Variants in C4orf36 observed in about 807,000 individuals in gnomAD.
C4orf36 encodes uncharacterized protein C4orf36.
C4orf36 carries 11 observed loss-of-function variants against 12.2 expected under a neutral mutation model. The ratio of observed to expected loss-of-function variants is 0.90; its 90% CI spans 0.57 to 1.49. C4orf36 has a LOEUF of 1.49. Among genes scored for constraint, C4orf36 ranks in the 40% most tolerant of loss-of-function variants. The probability of loss-of-function intolerance (pLI) is 0.00; values close to 1 mark genes in which losing one functional copy is unlikely to be tolerated. For synonymous variants in C4orf36, 54 were observed against 51.3 expected (o/e 1.05, Z -0.22); for missense variants, 137 against 133.9 (o/e 1.02, Z -0.11).
chr4:86,907,984 G>T, the C4orf36 span, among the ~76,000 whole-genome samples: 5 of 150,252 alleles, frequency 3.3e-5, no homozygotes, highest in Non-Finnish European at 7.4e-5. Context: ...GAGAAAAAAA[G>T]AAATGGTGTC....
At chr4:86,935,659 C>T in the C4orf36 span, 12 of 152,426 alleles carry the variant, frequency 7.9e-5, no homozygotes, top group Admixed American at 4.6e-4. Context: ...AAGTGGGGTT[C>T]TTCTCTCCTG....
At chr4:86,900,291 C>T in the C4orf36 span, among the ~76,000 whole-genome samples, 1 of 152,086 alleles carries the variant, frequency 6.6e-6, no homozygotes, top group East Asian at 1.9e-4. Flanking sequence ...CCTCAGCCTC[C>T]CAAATTGCTG....
chr4:86,876,606 G>C lies in C4orf36; in HGVS notation c.*3-163C>G. On this transcript the variant is annotated intron_variant, in intron 4 of 4. Transcript: ENST00000295898. ...AAATCTTTACATACACAGAAGAACA[G>C]ACAGTTCTTCAATGAACCAGAAGAA... 3 of 1,613,938 alleles carry C rather than the reference G, an allele frequency of 1.9e-6. No individual in the cohort carries two copies. In the South Asian group the frequency reaches 3.3e-5, roughly 18 times the overall value.
At chr4:86,909,998 A>T in the C4orf36 span, among the ~76,000 whole-genome samples, 3 of 151,614 alleles carry the variant, frequency 2.0e-5, no homozygotes, top group Non-Finnish European at 4.4e-5. Context: ...ATACTGGCTT[A>T]TCTCATTGGA....
the C4orf36 span, among the ~76,000 whole-genome samples, chr4:86,917,927 T>C: frequency 1.3e-4 from 20 of 152,220 alleles, no homozygotes; most frequent in Non-Finnish European, 2.9e-4. Context: ...TCAGTAGGTA[T>C]AGGAATTTTT....
chr4:86,933,669 C>CA, the C4orf36 span: 1 of 152,244 alleles, frequency 6.6e-6, no homozygotes, highest in East Asian at 1.9e-4. Flanking sequence ...CATTATATAG[C>CA]AAAAACGTTA....
At chr4:86,926,777 T>C in the C4orf36 span, among the ~76,000 whole-genome samples, 1 of 152,222 alleles carries the variant, frequency 6.6e-6, no homozygotes, top group African/African-American at 2.4e-5. Context: ...AGGGTATGTT[T>C]ATGTTATTGT....
At chr4:86,899,042 G>A in the C4orf36 span, among the ~76,000 whole-genome samples, 10 of 152,112 alleles carry the variant, frequency 6.6e-5, no homozygotes, top group Non-Finnish European at 1.5e-4. Context: ...AGTGAGCCAC[G>A]ATTGTGCCAC....
chr4:86,908,653 C>G, the C4orf36 span, among the ~76,000 whole-genome samples: 2 of 151,044 alleles, frequency 1.3e-5, no homozygotes, highest in South Asian at 4.2e-4. Flanking sequence ...TACTCTCTCT[C>G]TCTCCCTCCC....
At chr4:86,930,176 C>T in the C4orf36 span, among the ~76,000 whole-genome samples, 3 of 152,356 alleles carry the variant, frequency 2.0e-5, 1 homozygote, top group Admixed American at 2.0e-4. Context: ...TTCCTTCCCA[C>T]TTCTCAACTA....
the C4orf36 span, chr4:86,933,315 G>C: frequency 6.6e-6 from 1 of 152,150 alleles, no homozygotes; most frequent in East Asian, 1.9e-4. Flanking sequence ...CATGAAAATA[G>C]GAGCTCTGTC....
At chr4:86,933,319 CTCTG>C in the C4orf36 span, 1 of 152,182 alleles carries the variant, frequency 6.6e-6, no homozygotes, top group African/African-American at 2.4e-5. Flanking sequence ...AAAATAGGAG[CTCTG>C]TCTTTGTCAT....
the C4orf36 span, chr4:86,935,521 G>C: frequency 0.93 from 141,423 of 152,384 alleles, 66,324 homozygotes; most frequent in Non-Finnish European, 1. Context: ...CCTCCCTCAC[G>C]CGCAGCCCCC....
chr4:86,904,605 AGTT>A, the C4orf36 span, among the ~76,000 whole-genome samples: 2 of 124,978 alleles, frequency 1.6e-5, no homozygotes, highest in African/African-American at 5.8e-5. Context: ...AAAAAAAAAA[AGTT>A]GTAAGCTGGC....
upstream of C4orf36, among the ~76,000 whole-genome samples, chr4:86,896,323 C>T (rs1747587229): frequency 6.6e-6 from 1 of 152,166 alleles, no homozygotes; most frequent in African/African-American, 2.4e-5. Flanking sequence ...TATAATTTCT[C>T]ATGACATACA....
Position 86,891,450 on chromosome 4 carries a change from A to T in C4orf36, c.65+6T>A. ...CCCTGATTTAAAAAAAAAAAATAGT[A>T]CTTACACATTATAACAACTGCCCCG... On this transcript the variant is annotated splice_donor_region_variant and intron_variant, in intron 2 of 4. Coordinates refer to ENST00000295898, the MANE Select transcript of C4orf36 (RefSeq NM_144645.4). The T allele has an allele frequency of 6.2e-7, 1 of 1,612,336 alleles. No homozygotes were observed. Among genetic ancestry groups the T allele is most frequent in the South Asian group, 1.1e-5 (1 of 90,792 alleles).
chr4:86,932,690 G>A, the C4orf36 span, among the ~76,000 whole-genome samples: 1 of 137,530 alleles, frequency 7.3e-6, no homozygotes, highest in Non-Finnish European at 1.5e-5. Flanking sequence ...AAAATTGTCA[G>A]GTAACATCCC....
At chr4:86,881,816 A>T (rs927583358) in intron 4 of C4orf36, among the ~76,000 whole-genome samples, 1 of 152,020 alleles carries the variant, frequency 6.6e-6, no homozygotes, top group Non-Finnish European at 1.5e-5. Context: ...AGCTGGGATT[A>T]CAGGCGCATG....
the C4orf36 span, chr4:86,933,628 T>C: frequency 6.6e-6 from 1 of 152,240 alleles, no homozygotes; most frequent in Non-Finnish European, 1.5e-5. Flanking sequence ...AATATTACCA[T>C]GCTAATATAT....
Sources: gnomAD v4.1 joint callset for allele counts (sites outside exome capture counted in the v4.1 genomes callset) on GRCh38, gnomAD v4.1.1 for gene constraint, MANE v1.5 for transcripts, NCBI Gene and HGNC (gene_info 2026-07-23, HGNC 2026-07-21) for gene names.